Variants in CSMD1 observed in about 807,000 individuals in gnomAD.
The protein encoded by CSMD1 is CUB and Sushi multiple domains 1.
CSMD1 carries 213 observed loss-of-function variants against 417.5 expected under a neutral mutation model. That is an observed-to-expected ratio of 0.51 (90% CI 0.46 to 0.57). The LOEUF (loss-of-function observed/expected upper bound fraction) is 0.57, where lower values mean the gene tolerates loss of function less well. Among genes scored for constraint, CSMD1 ranks in the 20% least tolerant of loss-of-function variants. The pLI is 0.00. For missense variants in CSMD1, 6,923 were observed against 4,529.7 expected (o/e 1.53, Z -15.17); for synonymous variants, 2,862 against 1,736.8 (o/e 1.65, Z -16.11).
intron 5 of CSMD1, among the ~76,000 whole-genome samples, chr8:3,892,667 G>GTA (rs1332352824): frequency 9.3e-5 from 14 of 151,144 alleles, no homozygotes; most frequent in Non-Finnish European, 2.1e-4. Context: ...TTTGGAGACT[G>GTA]GGTTCAAGGT....
chr8:4,991,365 A>G (rs1319237973), intron 1 of CSMD1, among the ~76,000 whole-genome samples: 1 of 152,202 alleles, frequency 6.6e-6, no homozygotes, highest in East Asian at 1.9e-4. Context: ...GATATCCCCA[A>G]CGCTTTATTG....
chr8:3,159,505 C>T (rs539385027), intron 38 of CSMD1, among the ~76,000 whole-genome samples: 25 of 152,224 alleles, frequency 1.6e-4, no homozygotes, highest in Non-Finnish European at 2.9e-4. Flanking sequence ...TTTATAGACA[C>T]TCACGTGTGA....
chr8:3,782,760 T>C (rs1382705252), intron 5 of CSMD1, among the ~76,000 whole-genome samples: 1 of 152,214 alleles, frequency 6.6e-6, no homozygotes, highest in Non-Finnish European at 1.5e-5. Context: ...ACAGTATGAA[T>C]AGAGATCTAA....
At chr8:3,423,317 C>G (rs987547185) in intron 12 of CSMD1, among the ~76,000 whole-genome samples, 1 of 152,174 alleles carries the variant, frequency 6.6e-6, no homozygotes, top group African/African-American at 2.4e-5. Flanking sequence ...CCTCCATATC[C>G]ATTTTCAGTC....
At chr8:4,073,234 G>C (rs2552129) in intron 3 of CSMD1, among the ~76,000 whole-genome samples, 17,115 of 152,074 alleles carry the variant, frequency 0.11, 1,110 homozygotes, top group Middle Eastern at 0.18. Context: ...AAAAGCAATA[G>C]GTGCATTAAA....
At chr8:4,895,443 T>C (rs1043995624) in intron 1 of CSMD1, among the ~76,000 whole-genome samples, 5 of 152,288 alleles carry the variant, frequency 3.3e-5, no homozygotes, top group Non-Finnish European at 5.9e-5. Context: ...TTCTGTGATA[T>C]CAACATTGTT....
chr8:3,058,569 T>A (rs1414744814), intron 49 of CSMD1, among the ~76,000 whole-genome samples: 2 of 152,202 alleles, frequency 1.3e-5, no homozygotes, highest in African/African-American at 4.8e-5. Context: ...CGATTTACCA[T>A]GCAATAAATA....
intron 2 of CSMD1, among the ~76,000 whole-genome samples, chr8:4,568,266 A>G (rs1288224079): frequency 6.6e-6 from 1 of 152,054 alleles, no homozygotes; most frequent in Non-Finnish European, 1.5e-5. Context: ...CCCTAATGCT[A>G]TGCTATCCCT....
At chr8:3,354,439 A>G (rs917704062) in intron 21 of CSMD1, among the ~76,000 whole-genome samples, 1 of 135,070 alleles carries the variant, frequency 7.4e-6, no homozygotes, top group South Asian at 2.5e-4. Flanking sequence ...AGAAATAGAA[A>G]ACAGCTCAAC....
intron 12 of CSMD1, among the ~76,000 whole-genome samples, chr8:3,462,635 G>C (rs1249174397): frequency 6.6e-6 from 1 of 152,296 alleles, no homozygotes; most frequent in East Asian, 1.9e-4. Flanking sequence ...ACATTATGGA[G>C]AGTTGTATAA....
chr8:4,064,736 C>A (rs1414613308), intron 3 of CSMD1, among the ~76,000 whole-genome samples: 1 of 152,202 alleles, frequency 6.6e-6, no homozygotes, highest in African/African-American at 2.4e-5. Flanking sequence ...ACCTTCACAA[C>A]CGAGATCTCT....
intron 2 of CSMD1, among the ~76,000 whole-genome samples, chr8:4,433,991 T>A (rs1025152823): frequency 3.3e-5 from 5 of 152,134 alleles, no homozygotes; most frequent in African/African-American, 1.2e-4. Context: ...CTCTTCAGCC[T>A]CAAGATTAAC....
chr8:4,077,279 C>CTATATA (rs34522635), intron 3 of CSMD1, among the ~76,000 whole-genome samples: 1 of 94,992 alleles, frequency 1.1e-5, no homozygotes, highest in Non-Finnish European at 2.2e-5. Context: ...CATTTGTCAC[C>CTATATA]TATATATATA....
chr8:3,147,477 G>T (rs982448655), intron 40 of CSMD1, among the ~76,000 whole-genome samples: 2 of 152,144 alleles, frequency 1.3e-5, no homozygotes, highest in African/African-American at 4.8e-5. Context: ...AGCATCCAAG[G>T]AACTGGAGCT....
chr8:4,689,732 C>T (rs1584948768), intron 1 of CSMD1, among the ~76,000 whole-genome samples: 1 of 152,096 alleles, frequency 6.6e-6, no homozygotes, highest in African/African-American at 2.4e-5. Context: ...TCTTTGGCTG[C>T]AGTTATTTCT....
At chr8:4,054,581 G>C (rs1053667363) in intron 3 of CSMD1, among the ~76,000 whole-genome samples, 3 of 152,156 alleles carry the variant, frequency 2.0e-5, no homozygotes, top group African/African-American at 7.2e-5. Context: ...TCTTGGTGGT[G>C]TAGTCTAATT....
chr8:3,801,916 G>C (rs1014192746), intron 5 of CSMD1, among the ~76,000 whole-genome samples: 3 of 152,026 alleles, frequency 2.0e-5, no homozygotes, highest in African/African-American at 7.2e-5. Context: ...AATGCCTAGG[G>C]TATAGGGTGG....
chr8:4,690,142 C>G (rs1241032660), intron 1 of CSMD1, among the ~76,000 whole-genome samples: 1 of 152,104 alleles, frequency 6.6e-6, no homozygotes, highest in Non-Finnish European at 1.5e-5. Context: ...AGACTTATTA[C>G]AATGCTCATA....
At chr8:3,506,630 T>C (rs1446247303) in intron 10 of CSMD1, among the ~76,000 whole-genome samples, 1 of 152,188 alleles carries the variant, frequency 6.6e-6, no homozygotes, top group Admixed American at 6.5e-5. Context: ...AATATTTTTC[T>C]TAGGAAAACT....
Sources: allele counts gnomAD v4.1 joint callset (sites outside exome capture counted in the v4.1 genomes callset), GRCh38; gene constraint gnomAD v4.1.1; transcripts MANE v1.5; gene names NCBI Gene and HGNC (gene_info 2026-07-23, HGNC 2026-07-21).